Variants in GRM7 observed in about 807,000 individuals in gnomAD.
GRM7 encodes the protein metabotropic glutamate receptor 7.
In GRM7, 35 loss-of-function variants were observed where a neutral mutation model predicts 84.5. That is an observed-to-expected ratio of 0.41 (90% confidence interval 0.32 to 0.55). The LOEUF is 0.55. Ranked by LOEUF, GRM7 falls within the 20% of genes least tolerant of loss-of-function variation. The pLI, the probability that GRM7 is intolerant of heterozygous loss-of-function variation, is 0.19. For synonymous variants in GRM7, 487 were observed against 455.1 expected (o/e 1.07, Z -0.89); for missense variants, 1,003 against 1,194.6 (o/e 0.84, Z 2.36).
chr3:7,513,953 A>C (rs529556329), intron 7 of GRM7, among the ~76,000 whole-genome samples: 1 of 152,320 alleles, frequency 6.6e-6, no homozygotes, highest in South Asian at 2.1e-4. Context: ...AATTCCTCAA[A>C]GGCAATATTT....
At chr3:7,469,869 T>A (rs935326448) in intron 7 of GRM7, among the ~76,000 whole-genome samples, 2 of 152,232 alleles carry the variant, frequency 1.3e-5, no homozygotes, top group Non-Finnish European at 2.9e-5. Context: ...GTCAGTTAAC[T>A]TGAGATGCGA....
At chr3:7,654,045 T>G (rs935061208) in intron 8 of GRM7, among the ~76,000 whole-genome samples, 1 of 152,062 alleles carries the variant, frequency 6.6e-6, no homozygotes, top group Non-Finnish European at 1.5e-5. Context: ...AATCATGCCC[T>G]AATGCTGATA....
intron 4 of GRM7, among the ~76,000 whole-genome samples, chr3:7,332,372 G>C: frequency 6.6e-6 from 1 of 152,120 alleles, no homozygotes; most frequent in East Asian, 1.9e-4. Flanking sequence ...GCAGCCTTCT[G>C]TTTCCATACA....
At chr3:7,504,892 T>TTTGGGGG in intron 7 of GRM7, among the ~76,000 whole-genome samples, 2 of 152,124 alleles carry the variant, frequency 1.3e-5, no homozygotes. Context: ...TCTTAACCAT[T>TTTGGGGG]CCAGTATCAA....
At chr3:6,976,244 T>C (rs1693990044) in intron 1 of GRM7, among the ~76,000 whole-genome samples, 2 of 152,226 alleles carry the variant, frequency 1.3e-5, no homozygotes, top group Non-Finnish European at 2.9e-5. Context: ...TAAATGTTTA[T>C]TGAGCATTTG....
chr3:7,575,845 T>G (rs1408201381), intron 7 of GRM7, among the ~76,000 whole-genome samples: 1 of 152,062 alleles, frequency 6.6e-6, no homozygotes, highest in Non-Finnish European at 1.5e-5. Context: ...CTGTATATAT[T>G]TGGATAAGTT....
chr3:7,299,865 G>T (rs1045416641), intron 3 of GRM7, among the ~76,000 whole-genome samples: 11 of 152,050 alleles, frequency 7.2e-5, no homozygotes, highest in Admixed American at 7.2e-4. Context: ...AAATAATGCT[G>T]TAATTAACTT....
At chr3:7,518,469 T>G (rs564465301) in intron 7 of GRM7, among the ~76,000 whole-genome samples, 3 of 152,326 alleles carry the variant, frequency 2.0e-5, no homozygotes, top group African/African-American at 7.2e-5. Context: ...TACTGTGATC[T>G]TTCCTCTCTT....
intron 1 of GRM7, among the ~76,000 whole-genome samples, chr3:7,097,415 A>T (rs1574897875): frequency 6.6e-6 from 1 of 152,150 alleles, no homozygotes; most frequent in African/African-American, 2.4e-5. Context: ...TGTATTGATT[A>T]TAAACCTTGG....
intron 2 of GRM7, among the ~76,000 whole-genome samples, chr3:7,225,272 T>C (rs1185304416): frequency 6.6e-6 from 1 of 151,300 alleles, no homozygotes; most frequent in Non-Finnish European, 1.5e-5. Context: ...ATTTACAATA[T>C]TTTAGCAATA....
chr3:7,441,571 A>G (rs1315293466), intron 5 of GRM7, among the ~76,000 whole-genome samples: 1 of 152,178 alleles, frequency 6.6e-6, no homozygotes. Flanking sequence ...CTATATCTAG[A>G]ATGATATTTC....
intron 4 of GRM7, among the ~76,000 whole-genome samples, chr3:7,398,681 T>TG (rs577996740): frequency 3.3e-5 from 5 of 151,986 alleles, no homozygotes; most frequent in African/African-American, 4.8e-5. Flanking sequence ...GTGTCGGTGT[T>TG]GGGGGGATCA....
chr3:7,053,923 A>G (rs1697109014), intron 1 of GRM7, among the ~76,000 whole-genome samples: 1 of 151,240 alleles, frequency 6.6e-6, no homozygotes, highest in South Asian at 2.1e-4. Context: ...GATTGGGATT[A>G]TAATAAATCT....
chr3:7,513,451 G>A (rs1373044612), intron 7 of GRM7, among the ~76,000 whole-genome samples: 1 of 151,770 alleles, frequency 6.6e-6, no homozygotes, highest in Admixed American at 6.6e-5. Context: ...CACTTAATTG[G>A]TATTCCTGCC....
chr3:7,604,575 C>G (rs1401157598), intron 8 of GRM7, among the ~76,000 whole-genome samples: 1 of 152,136 alleles, frequency 6.6e-6, no homozygotes, highest in African/African-American at 2.4e-5. Context: ...GGTACCTGGT[C>G]AGTTTTCTTG....
intron 6 of GRM7, among the ~76,000 whole-genome samples, chr3:7,455,652 C>T (rs1240020613): frequency 6.6e-6 from 1 of 152,016 alleles, no homozygotes; most frequent in Non-Finnish European, 1.5e-5. Context: ...CAAAAGTGTC[C>T]AGGTCATGAG....
chr3:7,172,496 A>G (rs887096406), intron 2 of GRM7, among the ~76,000 whole-genome samples: 3 of 151,980 alleles, frequency 2.0e-5, no homozygotes, highest in African/African-American at 4.8e-5. Context: ...CACATCTTTT[A>G]GAGCTCACCA....
intron 8 of GRM7, among the ~76,000 whole-genome samples, chr3:7,589,416 C>A (rs1013246049): frequency 6.6e-6 from 1 of 152,082 alleles, no homozygotes; most frequent in African/African-American, 2.4e-5. Flanking sequence ...GGCCTTGGAA[C>A]CTTTGTATTA....
At chr3:7,731,989 C>G (rs1007648199) in intron 9 of GRM7, among the ~76,000 whole-genome samples, 1 of 152,138 alleles carries the variant, frequency 6.6e-6, no homozygotes, top group African/African-American at 2.4e-5. Flanking sequence ...GAGCTTTGAA[C>G]GAGATAATAT....
Sources: allele counts gnomAD v4.1 joint callset (sites outside exome capture counted in the v4.1 genomes callset), GRCh38; gene constraint gnomAD v4.1.1; transcripts MANE v1.5; gene names NCBI Gene and HGNC (gene_info 2026-07-23, HGNC 2026-07-21).